ZFPM2: variants seen among roughly 807,000 people sequenced by gnomAD.
ZFPM2 encodes zinc finger protein, FOG family member 2.
Under a neutral mutation model 98.6 loss-of-function variants are expected in ZFPM2, and 20 were observed. The ratio of observed to expected loss-of-function variants is 0.20; its 90% CI spans 0.14 to 0.29. ZFPM2 has a LOEUF of 0.29. Among genes scored for constraint, ZFPM2 ranks in the 10% least tolerant of loss-of-function variants. ZFPM2 has a pLI of 1.00. For synonymous variants in ZFPM2, 518 were observed against 502.7 expected (o/e 1.03, Z -0.41); for missense variants, 1,310 against 1,388.6 (o/e 0.94, Z 0.90).
chr8:105,658,327 G>A (rs1404292503), intron 5 of ZFPM2, among the ~76,000 whole-genome samples: 2 of 42,028 alleles, frequency 4.8e-5, no homozygotes, highest in African/African-American at 2.6e-4. Context: ...GGTGGCTCAC[G>A]CCTGTAATCC....
At chr8:105,607,470 C>T (rs1360787381) in intron 4 of ZFPM2, among the ~76,000 whole-genome samples, 4 of 152,076 alleles carry the variant, frequency 2.6e-5, no homozygotes, top group African/African-American at 9.7e-5. Context: ...TCTTTCATCT[C>T]CCAATTAATG....
At chr8:105,501,235 T>A (rs1255958739) in intron 3 of ZFPM2, among the ~76,000 whole-genome samples, 2 of 151,334 alleles carry the variant, frequency 1.3e-5, no homozygotes, top group Non-Finnish European at 2.9e-5. Context: ...CAGGTTGCAG[T>A]GCAGTGGCGC....
chr8:105,405,549 A>G (rs1370227913), intron 1 of ZFPM2, among the ~76,000 whole-genome samples: 3 of 150,770 alleles, frequency 2.0e-5, no homozygotes, highest in East Asian at 2.0e-4. Flanking sequence ...TTGTCCTTGC[A>G]ATAGTTTGCT....
At chr8:105,497,230 C>A (rs1813488717) in intron 3 of ZFPM2, among the ~76,000 whole-genome samples, 1 of 151,858 alleles carries the variant, frequency 6.6e-6, no homozygotes, top group Non-Finnish European at 1.5e-5. Context: ...TGTGATCCAC[C>A]CACCTTGGCC....
intron 5 of ZFPM2, among the ~76,000 whole-genome samples, chr8:105,648,115 C>T (rs1271620151): frequency 2.0e-5 from 3 of 152,132 alleles, no homozygotes; most frequent in African/African-American, 7.2e-5. Context: ...GATTTGCATT[C>T]CTCTGATGGC....
At chr8:105,378,635 T>C (rs558213610) in intron 1 of ZFPM2, among the ~76,000 whole-genome samples, 1 of 152,352 alleles carries the variant, frequency 6.6e-6, no homozygotes, top group African/African-American at 2.4e-5. Flanking sequence ...TGTGAGTATA[T>C]GTATATTTCT....
intron 3 of ZFPM2, among the ~76,000 whole-genome samples, chr8:105,547,542 CAAAAAAAAAAAAAA>C (rs148322534): frequency 3.6e-4 from 17 of 47,186 alleles, no homozygotes; most frequent in African/African-American, 1.1e-3. Context: ...AACTCCATCT[CAAAAAAAAAAAAAA>C]AAAAAAAAAA....
rs201976679 is a variant in ZFPM2 at position 105,767,138 on chromosome 8, AG to A, written c.533-21576del. ...TTAAAACAGTGGAGATGGAGGGGTT[AG>A]GGGTGCAGTCTGGAAGACAAACAGG... On this transcript the variant is annotated intron_variant, in intron 5 of 7. Transcript: ENST00000407775. Among the ~76,000 whole-genome samples the A allele has an allele frequency of 9.2e-5, 14 of 151,902 alleles. No individual in the cohort carries two copies. The East Asian group carries it at 2.1e-3, about 23-fold the overall frequency.
chr8:105,574,839 C>T (rs1815430103), intron 4 of ZFPM2, among the ~76,000 whole-genome samples: 1 of 150,840 alleles, frequency 6.6e-6, no homozygotes, highest in Non-Finnish European at 1.5e-5. Context: ...TGCCCAGGCA[C>T]ACGCAGCATA....
chr8:105,794,288 T>TAACA (rs948950484), intron 6 of ZFPM2, among the ~76,000 whole-genome samples: 13 of 152,296 alleles, frequency 8.5e-5, no homozygotes, highest in East Asian at 5.8e-4. Context: ...GTTTTCCTTC[T>TAACA]AACAAACAGA....
chr8:105,513,536 T>C (rs185670946), intron 3 of ZFPM2, among the ~76,000 whole-genome samples: 25 of 152,342 alleles, frequency 1.6e-4, no homozygotes, highest in Admixed American at 1.5e-3. Flanking sequence ...AGAGCTCTTC[T>C]ATTGTTTGAG....
chr8:105,421,220 A>G (rs993228548), intron 2 of ZFPM2, among the ~76,000 whole-genome samples: 9 of 152,152 alleles, frequency 5.9e-5, no homozygotes, highest in Admixed American at 6.5e-5. Flanking sequence ...TGTTCTGAAC[A>G]AGATTCAGTA....
At position 105,528,828 on chromosome 8, in the gene ZFPM2, A is replaced by T. The variant is rs1176264837; in HGVS notation, c.302-32535A>T. On this transcript the variant is annotated intron_variant, in intron 3 of 7. Transcript: ENST00000407775. Reference sequence around the variant, plus strand: ...ACCATGTTTTATGTATGGGCACAATACATACCATGATATTCAGCCACATCT... The same window carrying T: ...ACCATGTTTTATGTATGGGCACAATTCATACCATGATATTCAGCCACATCT... 4 of 152,304 alleles carry T rather than the reference A, an allele frequency of 2.6e-5. No homozygotes were observed. The East Asian group carries it at 5.8e-4, about 22-fold the overall frequency. 9.4% of individuals were successfully genotyped at this position (152,304 alleles called of 1,614,324 possible). A position where few individuals can be genotyped will look rare whatever the true frequency, so the allele number is the denominator to read the frequency against.
intron 5 of ZFPM2, among the ~76,000 whole-genome samples, chr8:105,711,100 C>T (rs895556959): frequency 1.3e-5 from 2 of 151,906 alleles, no homozygotes; most frequent in Non-Finnish European, 2.9e-5. Context: ...CAAACTATGT[C>T]TCTGTGGGCT....
chr8:105,600,242 A>G (rs543761557), intron 4 of ZFPM2, among the ~76,000 whole-genome samples: 5 of 152,230 alleles, frequency 3.3e-5, no homozygotes, highest in Admixed American at 3.3e-4. Context: ...AAAGCTCCCT[A>G]TTTACAATAA....
chr8:105,777,573 C>T (rs563038500), intron 5 of ZFPM2, among the ~76,000 whole-genome samples: 1 of 152,092 alleles, frequency 6.6e-6, no homozygotes, highest in African/African-American at 2.4e-5. Context: ...AAGTTGAATG[C>T]CCCCAAATGC....
At chr8:105,327,422 A>G (rs1812135218) in intron 1 of ZFPM2, among the ~76,000 whole-genome samples, 3 of 151,728 alleles carry the variant, frequency 2.0e-5, no homozygotes, top group South Asian at 4.1e-4. Flanking sequence ...GAACAATGGT[A>G]TACTCTTGAA....
At chr8:105,405,257 C>G (rs1229920715) in intron 1 of ZFPM2, among the ~76,000 whole-genome samples, 1 of 151,776 alleles carries the variant, frequency 6.6e-6, no homozygotes, top group Non-Finnish European at 1.5e-5. Context: ...TAATGGTCCA[C>G]TCTTTCTTTT....
intron 3 of ZFPM2, among the ~76,000 whole-genome samples, chr8:105,510,352 A>G (rs530401139): frequency 1.3e-5 from 2 of 151,308 alleles, no homozygotes; most frequent in African/African-American, 2.4e-5. Context: ...ACTTGCGACT[A>G]TGTTCGTCGG....
Sources: gnomAD v4.1 joint callset for allele counts (sites outside exome capture counted in the v4.1 genomes callset) on GRCh38, gnomAD v4.1.1 for gene constraint, MANE v1.5 for transcripts, NCBI Gene and HGNC (gene_info 2026-07-23, HGNC 2026-07-21) for gene names.